SLC4A4: variants seen among roughly 807,000 people sequenced by gnomAD.
SLC4A4 encodes the protein electrogenic sodium bicarbonate cotransporter 1.
A neutral mutation model predicts 111.5 loss-of-function variants in SLC4A4; 27 were observed. The ratio of observed to expected loss-of-function variants is 0.24; its 90% CI spans 0.18 to 0.33. The LOEUF (loss-of-function observed/expected upper bound fraction) is 0.33. Ranked by LOEUF, SLC4A4 falls within the 10% of genes least tolerant of loss-of-function variation. The probability of loss-of-function intolerance (pLI) is 1.00; values close to 1 mark genes in which losing one functional copy is unlikely to be tolerated. For synonymous variants in SLC4A4, 443 were observed against 463.4 expected (o/e 0.96, Z 0.57); for missense variants, 909 against 1,315.5 (o/e 0.69, Z 4.78).
chr4:71,211,359 T>G (rs1445032995), intron 1 of SLC4A4, among the ~76,000 whole-genome samples: 1 of 152,202 alleles, frequency 6.6e-6, no homozygotes, highest in Admixed American at 6.5e-5. Flanking sequence ...ACATAGAGAA[T>G]TTTTTATATA....
In SLC4A4 at chr4:71,233,073, G is replaced by A. The variant is rs147895126; in HGVS notation, c.-1-3503G>A. Among the ~76,000 whole-genome samples, 43 of 152,344 alleles carry A rather than the reference G, an allele frequency of 2.8e-4. No homozygotes were observed. The East Asian group carries it at 7.9e-3, about 28-fold the overall frequency. On this transcript the variant is annotated intron_variant, in intron 1 of 25. Coordinates refer to ENST00000264485, the MANE Select transcript of SLC4A4 (RefSeq NM_001098484.3). ...GTCATCCTTATCTATGTCTACAAATGTGTAATGGATGGGTTCTTGTCTTTT... is the reference window on the plus strand; with the variant it reads ...GTCATCCTTATCTATGTCTACAAATATGTAATGGATGGGTTCTTGTCTTTT...
At chr4:71,536,485 T>TATATATATAA (rs760037325) in intron 18 of SLC4A4, among the ~76,000 whole-genome samples, 1,556 of 83,410 alleles carry the variant, frequency 0.019, 36 homozygotes, top group Non-Finnish European at 0.026. Context: ...TATATATATA[T>TATATATATAA]ATGTATATAT....
At chr4:71,251,312 G>A (rs1433150736) in intron 2 of SLC4A4, among the ~76,000 whole-genome samples, 4 of 152,212 alleles carry the variant, frequency 2.6e-5, no homozygotes, top group Non-Finnish European at 5.9e-5. Flanking sequence ...ACTATGAGAA[G>A]TATGAAGTTA....
chr4:71,166,277 C>T (rs1744742012), intron 2 of SLC4A4, among the ~76,000 whole-genome samples: 1 of 152,150 alleles, frequency 6.6e-6, no homozygotes, highest in Non-Finnish European at 1.5e-5. Flanking sequence ...TGACTTTATT[C>T]ACTCAAAGGA....
At chr4:71,473,049 C>T in intron 14 of SLC4A4, 79 bp downstream of exon 14, 2 of 1,451,742 alleles carry the variant, frequency 1.4e-6, no homozygotes, top group Non-Finnish European at 1.9e-6. Flanking sequence ...AAATTTTCAA[C>T]ATGCTGTCAT....
intron 3 of SLC4A4, among the ~76,000 whole-genome samples, chr4:71,290,499 A>G (rs1003324189): frequency 1.3e-5 from 2 of 152,220 alleles, no homozygotes; most frequent in African/African-American, 4.8e-5. Flanking sequence ...TTCTCAAGGG[A>G]AAGGTCTTTG....
At chr4:71,169,624 T>C (rs939282120) in intron 2 of SLC4A4, among the ~76,000 whole-genome samples, 2 of 152,202 alleles carry the variant, frequency 1.3e-5, no homozygotes, top group African/African-American at 4.8e-5. Flanking sequence ...AATGGGTAGT[T>C]TGCAAATATT....
intron 3 of SLC4A4, among the ~76,000 whole-genome samples, chr4:71,324,390 T>C: frequency 6.6e-6 from 1 of 151,960 alleles, no homozygotes; most frequent in East Asian, 1.9e-4. Context: ...ATATGCTTAA[T>C]ATAATTACAA....
intron 1 of SLC4A4, among the ~76,000 whole-genome samples, chr4:71,196,778 G>A (rs970573614): frequency 7.6e-6 from 1 of 131,886 alleles, no homozygotes; most frequent in Admixed American, 8.8e-5. Flanking sequence ...AGGCTGCAGT[G>A]AGCCGAGATT....
At chr4:71,195,261 G>A (rs1422182638) in intron 1 of SLC4A4, among the ~76,000 whole-genome samples, 1 of 130,730 alleles carries the variant, frequency 7.6e-6, no homozygotes, top group African/African-American at 3.0e-5. Context: ...TTTTTAAAGA[G>A]CTTATGGGGG....
At chr4:71,557,411 G>A (rs368050025) in intron 21 of SLC4A4, among the ~76,000 whole-genome samples, 1 of 151,912 alleles carries the variant, frequency 6.6e-6, no homozygotes, top group African/African-American at 2.4e-5. Context: ...CTGAGACTCA[G>A]AGAGTAAAAA....
intron 1 of SLC4A4, among the ~76,000 whole-genome samples, chr4:71,202,864 T>A (rs1214935927): frequency 6.6e-6 from 1 of 152,186 alleles, no homozygotes; most frequent in East Asian, 1.9e-4. Flanking sequence ...CTTAACTTTC[T>A]TAGACATTAA....
At chr4:71,536,425 C>T (rs1238518809) in intron 18 of SLC4A4, among the ~76,000 whole-genome samples, 3 of 115,882 alleles carry the variant, frequency 2.6e-5, no homozygotes, top group African/African-American at 6.3e-5. Context: ...ATTGCTTCCC[C>T]GTGGTATCAT....
chr4:71,523,751 CT>C (rs1039421631), intron 16 of SLC4A4, among the ~76,000 whole-genome samples: 3 of 152,064 alleles, frequency 2.0e-5, no homozygotes, highest in African/African-American at 4.8e-5. Flanking sequence ...TATTTTTAAA[CT>C]TTTACTCTTG....
intron 3 of SLC4A4, among the ~76,000 whole-genome samples, chr4:71,304,183 T>C (rs1268461854): frequency 6.6e-6 from 1 of 152,168 alleles, no homozygotes; most frequent in Non-Finnish European, 1.5e-5. Flanking sequence ...TATGGAGATA[T>C]ACATGTGCGT....
chr4:71,182,327 A>C (rs1437597277), upstream of SLC4A4, among the ~76,000 whole-genome samples: 2 of 152,206 alleles, frequency 1.3e-5, no homozygotes, highest in Non-Finnish European at 2.9e-5. Context: ...TTTAATATTC[A>C]GATTTTGATT....
At chr4:71,530,589 A>G (rs989240921) in intron 16 of SLC4A4, among the ~76,000 whole-genome samples, 5 of 152,074 alleles carry the variant, frequency 3.3e-5, no homozygotes, top group African/African-American at 9.7e-5. Context: ...CTCAGTATGT[A>G]CTTTTCAAGA....
At chr4:71,473,581 T>C (rs576532801) in intron 14 of SLC4A4, among the ~76,000 whole-genome samples, 39 of 151,988 alleles carry the variant, frequency 2.6e-4, no homozygotes, top group African/African-American at 9.1e-4. Flanking sequence ...TAGATTTATA[T>C]TGTAGAATCC....
intron 6 of SLC4A4, among the ~76,000 whole-genome samples, chr4:71,393,790 G>T (rs1335345540): frequency 6.6e-6 from 1 of 152,094 alleles, no homozygotes; most frequent in African/African-American, 2.4e-5. Flanking sequence ...CACCAAAACA[G>T]CATGATACTG....
Sources: gnomAD v4.1 joint callset for allele counts (sites outside exome capture counted in the v4.1 genomes callset) on GRCh38, gnomAD v4.1.1 for gene constraint, MANE v1.5 for transcripts, NCBI Gene and HGNC (gene_info 2026-07-23, HGNC 2026-07-21) for gene names.